The following OTOGL variants were observed in gnomAD, a reference collection of about 807,000 sequenced individuals.
OTOGL encodes the protein otogelin like.
In OTOGL, 285 loss-of-function variants were observed where a neutral mutation model predicts 318.5. The ratio of observed to expected loss-of-function variants is 0.89; its 90% CI spans 0.81 to 0.99. The LOEUF (loss-of-function observed/expected upper bound fraction) is 0.99, where lower values mean the gene tolerates loss of function less well. OTOGL is among the 50% of genes least tolerant of loss of function. OTOGL has a pLI of 0.00. For missense variants in OTOGL, 2,899 were observed against 2,845.6 expected (o/e 1.02, Z -0.43); for synonymous variants, 987 against 936.5 (o/e 1.05, Z -0.99).
intron 6 of OTOGL, among the ~76,000 whole-genome samples, 192 bp from the exon 7 acceptor site, chr12:80,221,898 AC>A (rs2137356680): frequency 6.6e-6 from 1 of 152,218 alleles, no homozygotes; most frequent in African/African-American, 2.4e-5. Flanking sequence ...CTACTTGGAG[AC>A]CCTGTTTTTC....
chr12:80,202,980 T>G, intron 1 of OTOGL, among the ~76,000 whole-genome samples: 1 of 152,218 alleles, frequency 6.6e-6, no homozygotes, highest in East Asian at 1.9e-4. Context: ...ACATGACCTT[T>G]ATCCCTGTGA....
intron 29 of OTOGL, among the ~76,000 whole-genome samples, chr12:80,307,584 C>T (rs1224035723): frequency 2.0e-5 from 3 of 147,102 alleles, no homozygotes; most frequent in Non-Finnish European, 4.5e-5. Flanking sequence ...CAACCTCCCT[C>T]CTGGACGGGG....
At chr12:80,147,441 C>T (rs1872466312) in intron 1 of OTOGL, among the ~76,000 whole-genome samples, 1 of 150,876 alleles carries the variant, frequency 6.6e-6, no homozygotes, top group African/African-American at 2.5e-5. Flanking sequence ...AATCTCTGTT[C>T]TTTTACATTT....
chr12:80,170,545 T>G (rs1401131052), intron 1 of OTOGL, among the ~76,000 whole-genome samples: 1 of 152,066 alleles, frequency 6.6e-6, no homozygotes, highest in East Asian at 1.9e-4. Context: ...GTGATTCTCC[T>G]GCCTCAGCCT....
intron 1 of OTOGL, among the ~76,000 whole-genome samples, chr12:80,192,086 T>G (rs1875736605): frequency 6.6e-6 from 1 of 152,212 alleles, no homozygotes; most frequent in Non-Finnish European, 1.5e-5. Flanking sequence ...GTTGTTTTCC[T>G]CCTCTTCTTT....
At chr12:80,356,593 A>T (rs1889916607) in intron 48 of OTOGL, 73 bp downstream of exon 48, 1 of 1,221,778 alleles carries the variant, frequency 8.2e-7, no homozygotes, top group African/African-American at 1.5e-5. Context: ...ATTCTCATTC[A>T]TTGTGTCTCC....
intron 1 of OTOGL, among the ~76,000 whole-genome samples, chr12:80,104,329 C>T (rs1333541502): frequency 6.6e-6 from 1 of 152,206 alleles, no homozygotes; most frequent in East Asian, 1.9e-4. Context: ...AAGCCACATA[C>T]CTCAAGCTTT....
intron 46 of OTOGL, among the ~76,000 whole-genome samples, chr12:80,355,224 C>CTTTCTTTTTTTTTTT (rs1889799791): frequency 3.0e-5 from 2 of 65,602 alleles, no homozygotes; most frequent in Non-Finnish European, 3.0e-5. Flanking sequence ...TTCTTTCTTT[C>CTTTCTTTTTTTTTTT]TTTTCTTTTT....
intron 48 of OTOGL, 64 bp from the exon 49 acceptor site, chr12:80,356,743 G>A (rs904701555): frequency 1.0e-6 from 1 of 964,360 alleles, no homozygotes; most frequent in Non-Finnish European, 1.5e-6. Flanking sequence ...TCAAAGAGAG[G>A]TAAACACTAT....
chr12:80,131,740 C>G (rs949569480), intron 1 of OTOGL: 6 of 152,194 alleles, frequency 3.9e-5, no homozygotes, highest in Non-Finnish European at 7.4e-5. Context: ...TACATTAGTT[C>G]ATTTAATCCC....
chr12:80,279,070 C>A lies in OTOGL; in HGVS notation c.2832C>A (p.Cys944Ter), dbSNP rs777484267. Residue 944 changes from cysteine (C) to a stop codon, truncating the protein, a stop_gained, in exon 26 of 59, where the codon TGC becomes TGA. Transcript: ENST00000547103. LOFTEE classifies it high-confidence loss of function. ...TGTTCAATTGCACATATTATCCATG[C>A]CCAGCAGTGTGCACAATATACGGGG... ...RGMFNCTYYP[C>*]PAVCTIYGDR... 6.3e-7 allele frequency: 1 copy of A among 1,592,696 alleles called. No homozygotes were observed. Among genetic ancestry groups the A allele is most frequent in the Admixed American group, 1.7e-5 (1 of 59,658 alleles).
chr12:80,356,087 C>G lies in OTOGL; in HGVS notation c.5806+139C>G, dbSNP rs114696323. On this transcript the variant is annotated intron_variant, in intron 47 of 58. Coordinates refer to ENST00000547103, the MANE Select transcript of OTOGL (RefSeq NM_001378609.3). ...CATTTTCTCAAAGCAAGTTTTGTTTCATTACAATTCTGTTGAATACACATG... is the reference window on the plus strand; with the variant it reads ...CATTTTCTCAAAGCAAGTTTTGTTTGATTACAATTCTGTTGAATACACATG... 1.8e-3 allele frequency: 1,702 copies of G among 957,926 alleles called. 19 individuals are homozygous for G. The African/African-American group carries it at 0.026, about 14-fold the overall frequency. The allele number at this position is 957,926 out of a possible 1,614,324, so 59.3% of individuals were successfully genotyped here. A position where few individuals can be genotyped will look rare whatever the true frequency, so the allele number is the denominator to read the frequency against.
At chr12:80,171,736 A>T (rs902078281) in intron 1 of OTOGL, among the ~76,000 whole-genome samples, 3 of 152,142 alleles carry the variant, frequency 2.0e-5, no homozygotes, top group African/African-American at 7.2e-5. Context: ...AAATCTACAG[A>T]TCAATTTGGG....
chr12:80,244,581 T>G (rs1487319901), intron 11 of OTOGL, among the ~76,000 whole-genome samples: 1 of 149,488 alleles, frequency 6.7e-6, no homozygotes, highest in Non-Finnish European at 1.5e-5. Context: ...TGTTGGACAT[T>G]TGGGTTGGTT....
chr12:80,150,178 G>C (rs1012543740), intron 1 of OTOGL, among the ~76,000 whole-genome samples: 1 of 152,144 alleles, frequency 6.6e-6, no homozygotes, highest in Non-Finnish European at 1.5e-5. Flanking sequence ...GTGACCAAAG[G>C]TCCTGTTCCC....
At chr12:80,349,826 G>T (rs948504849) in intron 44 of OTOGL, among the ~76,000 whole-genome samples, 1 of 152,110 alleles carries the variant, frequency 6.6e-6, no homozygotes, top group Admixed American at 6.5e-5. Flanking sequence ...AGATAAAATT[G>T]TATGTGTTTA....
At chr12:80,366,523 A>G (rs975233316) in intron 52 of OTOGL, 51 bp from the exon 53 acceptor site, 4 of 288,994 alleles carry the variant, frequency 1.4e-5, no homozygotes, top group African/African-American at 9.0e-5. Context: ...ATATATATAT[A>G]TATATATAAA....
At chr12:80,355,229 C>T (rs28733146) in intron 46 of OTOGL, among the ~76,000 whole-genome samples, 17,083 of 49,254 alleles carry the variant, frequency 0.35, 2,955 homozygotes, top group African/African-American at 0.49. Context: ...TCTTTCTTTT[C>T]TTTTTTTTTT....
intron 26 of OTOGL, among the ~76,000 whole-genome samples, chr12:80,279,984 A>AT (rs1393494088): frequency 1.3e-5 from 2 of 151,780 alleles, no homozygotes; most frequent in African/African-American, 4.8e-5. Flanking sequence ...CTTTTTAATA[A>AT]TAGCCATTTT....
Sources: allele counts gnomAD v4.1 joint callset (sites outside exome capture counted in the v4.1 genomes callset), GRCh38; gene constraint gnomAD v4.1.1; transcripts MANE v1.5; gene names NCBI Gene and HGNC (gene_info 2026-07-23, HGNC 2026-07-21).